PCDH15: variants seen among roughly 807,000 people sequenced by gnomAD.
The protein encoded by PCDH15 is protocadherin related 15, also known as protocadherin-15.
A neutral mutation model predicts 178.5 loss-of-function variants in PCDH15; 129 were observed. The observed-to-expected ratio is 0.72, with a 90% confidence interval of 0.63 to 0.84. The LOEUF is 0.84. PCDH15 is among the 40% of genes least tolerant of loss of function. PCDH15 has a pLI of 0.00. For synonymous variants in PCDH15, 800 were observed against 732.0 expected (o/e 1.09, Z -1.50); for missense variants, 2,230 against 2,099.9 (o/e 1.06, Z -1.21).
chr10:54,763,319 A>G (rs567501303), intron 1 of PCDH15, among the ~76,000 whole-genome samples: 6 of 152,322 alleles, frequency 3.9e-5, no homozygotes, highest in Non-Finnish European at 1.5e-5. Context: ...CACAATTTGT[A>G]GCTCAGATTC....
rs187339919 is a variant in PCDH15 at position 55,226,301 on chromosome 10, C to T, written c.-155-59650G>A. The stretch of plus-strand genomic sequence containing the variant: ...AGAGAACACAAAATATTATTTAATT[C>T]TATAGTAATTAATTTCTTCAGATGA... On this transcript the variant is annotated intron_variant, in intron 1 of 5. Coordinates refer to the PCDH15 transcript ENST00000458638. 2.4e-3 allele frequency among the ~76,000 whole-genome samples: 358 copies of T among 152,166 alleles called. 6 individuals carry two copies. Among genetic ancestry groups the T allele is most frequent in the African/African-American group, 8.2e-3 (341 of 41,478 alleles).
At chr10:54,391,875 A>T (rs1183548187) in intron 3 of PCDH15, among the ~76,000 whole-genome samples, 1 of 152,160 alleles carries the variant, frequency 6.6e-6, no homozygotes, top group East Asian at 1.9e-4. Flanking sequence ...TGTCTTCTGA[A>T]TTGGTCTTGT....
intron 9 of PCDH15, among the ~76,000 whole-genome samples, chr10:54,232,739 A>T (rs1400899945): frequency 6.6e-6 from 1 of 151,976 alleles, no homozygotes; most frequent in Non-Finnish European, 1.5e-5. Flanking sequence ...TTTCATTCCA[A>T]GTTAGTAAAT....
chr10:55,140,635 A>C (rs1049042490), intron 2 of PCDH15, among the ~76,000 whole-genome samples: 1 of 152,010 alleles, frequency 6.6e-6, no homozygotes, highest in Non-Finnish European at 1.5e-5. Context: ...TATTCATTAA[A>C]TGAAATTGTG....
chr10:54,700,412 G>A (rs949832728), intron 1 of PCDH15, among the ~76,000 whole-genome samples: 7 of 152,058 alleles, frequency 4.6e-5, no homozygotes, highest in African/African-American at 1.7e-4. Flanking sequence ...TGATAGGGAT[G>A]AAGATTACTG....
chr10:54,351,729 T>C (rs1051783400), intron 5 of PCDH15, among the ~76,000 whole-genome samples: 1 of 152,170 alleles, frequency 6.6e-6, no homozygotes, highest in Non-Finnish European at 1.5e-5. Context: ...CCAGAGCTTC[T>C]GGCAGCTCAC....
intron 1 of PCDH15, among the ~76,000 whole-genome samples, chr10:54,700,063 T>A (rs2095288194): frequency 6.6e-6 from 1 of 152,106 alleles, no homozygotes; most frequent in Admixed American, 6.6e-5. Context: ...GGCCTGGCAT[T>A]AGCCCCCCAG....
At position 55,328,870 on chromosome 10, in the gene PCDH15, A is replaced by G. The variant is rs547334755; in HGVS notation, c.-155-162219T>C. Among the ~76,000 whole-genome samples, 54 of 146,602 alleles carry G rather than the reference A, an allele frequency of 3.7e-4. 1 individual carries two copies. The highest frequency in any genetic ancestry group is 6.9e-4 in the Non-Finnish European group (46 of 66,500). On this transcript the variant is annotated intron_variant, in intron 2 of 5. Coordinates refer to the PCDH15 transcript ENST00000613346. ...TTGAGCATCTACAAATTTTGGTATC[A>G]ACCCCACAGATTGTGAAAGATGACT...
intron 2 of PCDH15, among the ~76,000 whole-genome samples, chr10:54,558,402 G>T (rs1157752139): frequency 6.6e-6 from 1 of 151,938 alleles, no homozygotes; most frequent in Non-Finnish European, 1.5e-5. Context: ...ACTTATTGAG[G>T]CTGCTTGTTT....
At chr10:55,289,520 A>T (rs987168639) in intron 1 of PCDH15, among the ~76,000 whole-genome samples, 6 of 150,974 alleles carry the variant, frequency 4.0e-5, no homozygotes, top group South Asian at 2.2e-4. Flanking sequence ...GAAAAGTGTT[A>T]AAAAAAAGAC....
intron 2 of PCDH15, among the ~76,000 whole-genome samples, chr10:55,129,559 C>T (rs1327671384): frequency 6.6e-6 from 1 of 151,970 alleles, no homozygotes; most frequent in Non-Finnish European, 1.5e-5. Context: ...TAGTTCTTAC[C>T]CAACTTTTTG....
chr10:54,315,905 T>C (rs1395068498), intron 8 of PCDH15, among the ~76,000 whole-genome samples: 1 of 151,970 alleles, frequency 6.6e-6, no homozygotes, highest in Non-Finnish European at 1.5e-5. Context: ...AAAATTTTTA[T>C]GTTCACCATC....
At chr10:54,961,285 A>G (rs1838647695) in intron 2 of PCDH15, among the ~76,000 whole-genome samples, 1 of 152,186 alleles carries the variant, frequency 6.6e-6, no homozygotes, top group Non-Finnish European at 1.5e-5. Context: ...GGCACCCTCC[A>G]GACTTTGGGT....
chr10:54,627,515 T>C (rs1182772756), intron 2 of PCDH15, among the ~76,000 whole-genome samples: 2 of 152,186 alleles, frequency 1.3e-5, no homozygotes, highest in African/African-American at 4.8e-5. Flanking sequence ...AGATGTGACG[T>C]GCTCCTCCTT....
chr10:55,095,307 T>C (rs530488681), intron 2 of PCDH15, among the ~76,000 whole-genome samples: 6 of 152,044 alleles, frequency 3.9e-5, no homozygotes, highest in Non-Finnish European at 8.8e-5. Flanking sequence ...TATTTAAACA[T>C]ACTTATCTTA....
At chr10:55,245,903 C>T (rs73269635) in intron 1 of PCDH15, among the ~76,000 whole-genome samples, 13,983 of 152,186 alleles carry the variant, frequency 0.092, 653 homozygotes, top group African/African-American at 0.1. Context: ...GAAAACTAAA[C>T]CAAACAGTTC....
At chr10:54,992,596 CA>C (rs568055061) in intron 2 of PCDH15, among the ~76,000 whole-genome samples, 1 of 150,328 alleles carries the variant, frequency 6.7e-6, no homozygotes, top group Non-Finnish European at 1.5e-5. Context: ...ACTAAAAATA[CA>C]AAAAAAAATT....
At chr10:55,073,817 C>G (rs1213065276) in intron 2 of PCDH15, among the ~76,000 whole-genome samples, 1 of 151,956 alleles carries the variant, frequency 6.6e-6, no homozygotes, top group African/African-American at 2.4e-5. Context: ...CTGATTTATT[C>G]TCACTACTTC....
chr10:54,874,707 G>C (rs975575468), intron 3 of PCDH15, among the ~76,000 whole-genome samples: 1 of 152,066 alleles, frequency 6.6e-6, no homozygotes, highest in Non-Finnish European at 1.5e-5. Context: ...AGAATGCCAA[G>C]TAAATTATTT....
Sources: gnomAD v4.1 joint callset for allele counts (sites outside exome capture counted in the v4.1 genomes callset) on GRCh38, gnomAD v4.1.1 for gene constraint, MANE v1.5 for transcripts, NCBI Gene and HGNC (gene_info 2026-07-23, HGNC 2026-07-21) for gene names.